NLRP5: variants seen among roughly 807,000 people sequenced by gnomAD.
NLRP5 encodes NLR family pyrin domain containing 5, also known as NACHT, LRR and PYD domains-containing protein 5.
Under a neutral mutation model 113.1 loss-of-function variants are expected in NLRP5, and 93 were observed. That is an observed-to-expected ratio of 0.82 (90% CI 0.70 to 0.98). NLRP5 has a LOEUF of 0.98. NLRP5 is among the 50% of genes least tolerant of loss of function. The probability of loss-of-function intolerance (pLI) is 0.00; values close to 1 mark genes in which losing one functional copy is unlikely to be tolerated. For synonymous variants in NLRP5, 751 were observed against 600.7 expected, an observed-to-expected ratio of 1.25 and a Z score of -3.66; for missense variants, 1,808 against 1,514.3, an observed-to-expected ratio of 1.19 and a Z score of -3.22.
the NLRP5 span, chr19:55,988,454 A>ATGTG: frequency 7.8e-6 from 1 of 127,562 alleles, no homozygotes; most frequent in African/African-American, 3.0e-5. Context: ...GTATATATAT[A>ATGTG]TATATATATA....
intron 7 of NLRP5, 29 bp from the exon 8 acceptor site, chr19:56,032,581 GA>G: frequency 6.3e-7 from 1 of 1,594,624 alleles, no homozygotes; most frequent in Non-Finnish European, 8.6e-7. Flanking sequence ...TCCATCCCAT[GA>G]GCCCATGTTT....
Position 56,028,178 on chromosome 19 carries a change from C to G in NLRP5, c.1945C>G (p.Leu649Val). The change falls in exon 7 of 15, where the codon CTG becomes GTG. Residue 649 changes from leucine to valine, a missense_variant. Transcript: ENST00000390649. ...CGTGAGCGAAGACGTAAGGAGGCCA[C>G]TGGAGGTCCTGCTGGGCTGTCCCGT... 6.2e-7 allele frequency: 1 copy of G among 1,614,012 alleles called. No homozygotes were observed. The highest frequency in any genetic ancestry group is 8.5e-7 in the Non-Finnish European group (1 of 1,179,896).
At chr19:56,051,628 G>A (rs1245314696) in intron 12 of NLRP5, among the ~76,000 whole-genome samples, 1 of 152,120 alleles carries the variant, frequency 6.6e-6, no homozygotes, top group African/African-American at 2.4e-5. Flanking sequence ...CTTTGGCATT[G>A]GTCTCACATT....
chr19:56,032,906 G>C, intron 8 of NLRP5, 125 bp downstream of exon 8: 1 of 950,786 alleles, frequency 1.1e-6, no homozygotes, highest in Non-Finnish European at 1.6e-6. Flanking sequence ...GCCACCAAAG[G>C]TGTAGGAACC....
rs779091654 is a variant in NLRP5, at chr19:56,027,028, G to C, written c.795G>C (p.Thr265=). The change falls in exon 7 of 15, where the codon ACG becomes ACC. Residue 265 remains threonine, a synonymous_variant. Coordinates refer to ENST00000390649, the MANE Select transcript of NLRP5 (RefSeq NM_153447.4). Reference sequence around the variant, plus strand: ...CTGCTGACTGGCCGGAAATGCAAACGTTGGCTGGTGCTTTTGATTCAGACC... The same window carrying C: ...CTGCTGACTGGCCGGAAATGCAAACCTTGGCTGGTGCTTTTGATTCAGACC... 4.5e-6 allele frequency: 7 copies of C among 1,552,258 alleles called. No homozygotes were observed. Among genetic ancestry groups the C allele is most frequent in the Non-Finnish European group, 6.1e-6 (7 of 1,147,388 alleles).
intron 1 of NLRP5, among the ~76,000 whole-genome samples, chr19:56,001,285 A>G (rs1036833661): frequency 6.8e-6 from 1 of 147,388 alleles, no homozygotes; most frequent in East Asian, 2.1e-4. Flanking sequence ...TGACTGCACC[A>G]CTGCACTCCA....
intron 3 of NLRP5, among the ~76,000 whole-genome samples, 166 bp from the exon 4 acceptor site, chr19:56,015,576 T>C (rs1281054618): frequency 6.6e-6 from 1 of 152,228 alleles, no homozygotes; most frequent in African/African-American, 2.4e-5. Flanking sequence ...CTAGTACTTA[T>C]GTTACTGGCG....
At chr19:55,989,020 A>G in the NLRP5 span, among the ~76,000 whole-genome samples, 20 of 152,290 alleles carry the variant, frequency 1.3e-4, no homozygotes, top group South Asian at 4.1e-3. Flanking sequence ...TATTGTCCCT[A>G]AATATTTATA....
In NLRP5 at chr19:56,027,024, A is replaced by C; in HGVS notation, c.791A>C (p.Gln264Pro). 6.4e-7 allele frequency: 1 copy of C among 1,552,280 alleles called. No homozygotes were observed. Among genetic ancestry groups the C allele is most frequent in the Non-Finnish European group, 8.7e-7 (1 of 1,147,300 alleles). The change falls in exon 7 of 15, where the codon CAA becomes CCA. Residue 264 changes from glutamine to proline, a missense_variant. By Grantham distance (76) the Gln-to-Pro change is moderately conservative (BLOSUM62 -1). Transcript: ENST00000390649. ...ACTGCTGCTGACTGGCCGGAAATGCAAACGTTGGCTGGTGCTTTTGATTCA... is the reference window on the plus strand; with the variant it reads ...ACTGCTGCTGACTGGCCGGAAATGCCAACGTTGGCTGGTGCTTTTGATTCA...
intron 1 of NLRP5, among the ~76,000 whole-genome samples, chr19:56,002,367 C>G (rs564298278): frequency 6.6e-6 from 1 of 152,104 alleles, no homozygotes; most frequent in South Asian, 2.1e-4. Context: ...TTTATGGAAC[C>G]TGATGTTAAC....
At chr19:56,036,055 A>ATTTTT (rs1261118713) in intron 9 of NLRP5, among the ~76,000 whole-genome samples, 6 of 90,582 alleles carry the variant, frequency 6.6e-5, no homozygotes, top group East Asian at 5.9e-4. Flanking sequence ...ATGAATTGAG[A>ATTTTT]TTCTTTTTTT....
intron 3 of NLRP5, 119 bp downstream of exon 3, chr19:56,008,972 A>AC: frequency 2.4e-6 from 2 of 839,980 alleles, no homozygotes; most frequent in Admixed American, 4.2e-5. Context: ...TAGTCTAACT[A>AC]CCCTACATTA....
intron 1 of NLRP5, among the ~76,000 whole-genome samples, chr19:56,002,567 A>G (rs1981696980): frequency 6.6e-6 from 1 of 151,272 alleles, no homozygotes; most frequent in Non-Finnish European, 1.5e-5. Flanking sequence ...TGCACCCATT[A>G]ACTCATCATT....
At position 56,041,210 on chromosome 19, in the gene NLRP5, G is replaced by T. The variant is rs1983510985; in HGVS notation, c.2957+118G>T. On this transcript the variant is annotated intron_variant, in intron 11 of 14. Transcript: ENST00000390649. ...GGACATCATCACATGAAGGGACCTG[G>T]TATATGCTGAATTCTGTCCATGTCT... 11 of 928,636 alleles carry T rather than the reference G, an allele frequency of 1.2e-5. No homozygotes were observed. In the South Asian group the frequency reaches 1.8e-4, roughly 15 times the overall value. 57.5% of individuals were successfully genotyped at this position (928,636 alleles called of 1,614,324 possible). A position where few individuals can be genotyped will look rare whatever the true frequency, so the allele number is the denominator to read the frequency against.
intron 11 of NLRP5, among the ~76,000 whole-genome samples, chr19:56,041,727 C>T (rs1247485397): frequency 6.6e-6 from 1 of 152,168 alleles, no homozygotes; most frequent in African/African-American, 2.4e-5. Context: ...GCAGGTGGAT[C>T]ATTTGAGCTC....
intron 4 of NLRP5, among the ~76,000 whole-genome samples, chr19:56,018,074 A>G (rs901532630): frequency 6.6e-6 from 1 of 152,222 alleles, no homozygotes; most frequent in Admixed American, 6.5e-5. Context: ...TGGTGTATAT[A>G]CACAATGGGT....
At chr19:55,996,601 C>G (rs1981333282), upstream of NLRP5, among the ~76,000 whole-genome samples, 1 of 152,128 alleles carries the variant, frequency 6.6e-6, no homozygotes, top group Non-Finnish European at 1.5e-5. Context: ...GTTTTTCGTC[C>G]TTGCGATAGT....
In NLRP5 at chr19:56,027,302, CTGT is replaced by C; in HGVS notation, c.1074_1076del (p.Leu358del). On this transcript the variant is annotated inframe_deletion, in exon 7 of 15. Coordinates refer to ENST00000390649, the MANE Select transcript of NLRP5 (RefSeq NM_153447.4). ...GGAGATCATGTCCCGACCAGAAAGG[CTGT>C]TGTTCATCATTGACGGTTTCGATGA... is the stretch of plus-strand genomic sequence containing the variant. The C allele has an allele frequency of 1.2e-6, 2 of 1,612,194 alleles. No homozygotes were observed. The highest frequency in any genetic ancestry group is 1.3e-5 in the African/African-American group (1 of 75,052).
At position 56,010,742 on chromosome 19, in the gene NLRP5, C is replaced by CCAAAAAAAAAAAAAAA. The variant is rs1555764914; in HGVS notation, c.508+1889_508+1890insCAAAAAAAAAAAAAAA. ...GGGAAACAAGAGCTTAACTCTGTCT[C>CCAAAAAAAAAAAAAAA]AAAAAAAAAAAAAGTCCCTTGAAAC... On this transcript the variant is annotated intron_variant, in intron 3 of 14. Transcript: ENST00000390649. 7.8e-4 allele frequency among the ~76,000 whole-genome samples: 32 copies of CCAAAAAAAAAAAAAAA among 41,278 alleles called. 3 individuals carry two copies. Among genetic ancestry groups the CCAAAAAAAAAAAAAAA allele is most frequent in the African/African-American group, 3.3e-3 (32 of 9,610 alleles). The allele number at this position is 41,278 out of a possible 152,430, so 27.1% of individuals were successfully genotyped here.
Sources: allele counts gnomAD v4.1 joint callset (sites outside exome capture counted in the v4.1 genomes callset), GRCh38; gene constraint gnomAD v4.1.1; transcripts MANE v1.5; gene names NCBI Gene and HGNC (gene_info 2026-07-23, HGNC 2026-07-21).